The following RIMBP2 variants were observed in gnomAD, a reference collection of about 807,000 sequenced individuals.
RIMBP2 encodes the protein RIMS-binding protein 2.
In RIMBP2, 48 loss-of-function variants were observed where a neutral mutation model predicts 118.6. The ratio of observed to expected loss-of-function variants is 0.40; its 90% CI spans 0.32 to 0.51. RIMBP2 has a LOEUF of 0.51. Ranked by LOEUF, RIMBP2 falls within the 20% of genes least tolerant of loss-of-function variation. The pLI is 0.41. For synonymous variants in RIMBP2, 762 were observed against 742.9 expected (o/e 1.03, Z -0.42); for missense variants, 1,551 against 1,768.3 (o/e 0.88, Z 2.20).
Position 130,622,605 on chromosome 12 carries a change from G to T in RIMBP2, c.-217+5717C>A, listed in dbSNP as rs561836301. ...TGCCTCCCACAGTGCTGGGAATACA[G>T]AAATGAGCCACTGCACCTGGCCTAC... On this transcript the variant is annotated intron_variant, in intron 2 of 22. Coordinates refer to ENST00000690449, the MANE Select transcript of RIMBP2 (RefSeq NM_001393629.1). The surrounding 1 kb of genome is among the most constrained non-coding windows in gnomAD (Gnocchi z 8.5). Among the ~76,000 whole-genome samples the T allele has an allele frequency of 6.0e-4, 92 of 152,224 alleles. No individual in the cohort carries two copies. The highest frequency in any genetic ancestry group is 2.0e-3 in the African/African-American group (84 of 41,532).
intron 2 of RIMBP2, among the ~76,000 whole-genome samples, chr12:130,626,563 C>G (rs1266269843): frequency 6.6e-6 from 1 of 150,558 alleles, no homozygotes; most frequent in East Asian, 2.0e-4. Flanking sequence ...GCCGGCATCA[C>G]CACCATCTTC....
intron 7 of RIMBP2, among the ~76,000 whole-genome samples, chr12:130,454,513 C>CA (rs34257136): frequency 0.09 from 13,632 of 152,244 alleles, 773 homozygotes; most frequent in South Asian, 0.16. Flanking sequence ...AGGGCAATGC[C>CA]AGGGGATATG....
At chr12:130,708,462 A>G (rs1200090797) in intron 1 of RIMBP2, among the ~76,000 whole-genome samples, 2 of 152,130 alleles carry the variant, frequency 1.3e-5, no homozygotes, top group African/African-American at 4.8e-5. Flanking sequence ...CTGAGGCAGG[A>G]GGATCGCTTG....
In RIMBP2 at chr12:130,422,360, T is replaced by C; in HGVS notation, c.3238+93A>G. 1.3e-6 allele frequency: 1 copy of C among 761,270 alleles called. No homozygotes were observed. Among genetic ancestry groups the C allele is most frequent in the East Asian group, 2.6e-5 (1 of 38,158 alleles). 47.2% of individuals were successfully genotyped at this position (761,270 alleles called of 1,614,324 possible). A position where few individuals can be genotyped will look rare whatever the true frequency, so the allele number is the denominator to read the frequency against. ...ACAGTGTTCTTTGCTTAGCGGAAAATGCTACTCCTAAAGTTTTGTTCATGC... is the reference window on the plus strand; with the variant it reads ...ACAGTGTTCTTTGCTTAGCGGAAAACGCTACTCCTAAAGTTTTGTTCATGC... On this transcript the variant is annotated intron_variant, in intron 17 of 22. Transcript: ENST00000690449. This position sits in a 1 kb window ranked among gnomAD's most constrained non-coding sequence, Gnocchi z 5.2.
intron 2 of RIMBP2, among the ~76,000 whole-genome samples, chr12:130,532,848 T>C (rs374767791): frequency 5.5e-5 from 8 of 144,260 alleles, no homozygotes; most frequent in East Asian, 2.1e-4. Context: ...TGCGTGTGTT[T>C]AGCCTCTAGG....
chr12:130,662,110 C>T (rs558802769), intron 1 of RIMBP2, among the ~76,000 whole-genome samples: 227 of 152,200 alleles, frequency 1.5e-3, no homozygotes, highest in Admixed American at 2.7e-3. Context: ...TGAGCACTCC[C>T]TCCCAGGTGC....
intron 3 of RIMBP2, among the ~76,000 whole-genome samples, chr12:130,514,958 G>A (rs2051292052): frequency 6.6e-6 from 1 of 152,006 alleles, no homozygotes; most frequent in Non-Finnish European, 1.5e-5. Flanking sequence ...CTCACTGCAA[G>A]CTCTGCCTCC....
chr12:130,402,536 C>G (rs1219708228), intron 21 of RIMBP2, among the ~76,000 whole-genome samples: 1 of 152,162 alleles, frequency 6.6e-6, no homozygotes, highest in East Asian at 1.9e-4. Flanking sequence ...CATCAAAACC[C>G]TTTACAGAAT....
chr12:130,571,817 C>T (rs936172988), intron 2 of RIMBP2, among the ~76,000 whole-genome samples: 2 of 152,128 alleles, frequency 1.3e-5, no homozygotes, highest in Non-Finnish European at 2.9e-5. Context: ...CCCCTTCACT[C>T]ACTCTGCTGC....
Position 130,424,975 on chromosome 12 carries a change from G to T in RIMBP2, c.2413-117C>A. ...ATTAGTCCTGGAGGCACCGAGGGGG[G>T]GGAAGCATGCGTCTACTCAGGCCGG... On this transcript the variant is annotated intron_variant, in intron 15 of 22. Coordinates refer to ENST00000690449, the MANE Select transcript of RIMBP2 (RefSeq NM_001393629.1). The surrounding 1 kb of genome is among the most constrained non-coding windows in gnomAD (Gnocchi z 9.8). The T allele has an allele frequency of 1.9e-6, 1 of 528,380 alleles. No individual in the cohort carries two copies. Among genetic ancestry groups the T allele is most frequent in the Non-Finnish European group, 2.9e-6 (1 of 345,860 alleles). 32.7% of individuals were successfully genotyped at this position (528,380 alleles called of 1,614,324 possible).
chr12:130,423,517 T>C (rs1024462778), intron 16 of RIMBP2, among the ~76,000 whole-genome samples: 3 of 152,060 alleles, frequency 2.0e-5, no homozygotes, highest in African/African-American at 7.2e-5. Flanking sequence ...AAGCCTTCAA[T>C]GAATCCCTAT....
intron 2 of RIMBP2, among the ~76,000 whole-genome samples, chr12:130,558,918 T>C (rs1044226337): frequency 2.6e-5 from 4 of 152,192 alleles, no homozygotes; most frequent in African/African-American, 9.7e-5. Context: ...AAATTGAAAT[T>C]GTCAAGTAGG....
chr12:130,509,109 C>T (rs1484088209), intron 3 of RIMBP2, among the ~76,000 whole-genome samples: 1 of 152,214 alleles, frequency 6.6e-6, no homozygotes, highest in Admixed American at 6.5e-5. Flanking sequence ...AGAAAGGCTG[C>T]TGGCGAGCCT....
In RIMBP2 at chr12:130,451,269, T is replaced by C. The variant is rs1426880026; in HGVS notation, c.430A>G (p.Arg144Gly). The change falls in exon 8 of 23, where the codon AGG becomes GGG. Residue 144 changes from arginine (R) to glycine (G), a missense_variant. Coordinates refer to ENST00000690449, the MANE Select transcript of RIMBP2 (RefSeq NM_001393629.1). ...YIRPLPQPGDRPEPLSAKPTF... is the reference protein window; with the variant it reads ...YIRPLPQPGDGPEPLSAKPTF... ...GGCTTGGCGGACAGAGGCTCCGGCC[T>C]GTCACCAGGCTGCGGAAGGGGCCGG... is the stretch of plus-strand genomic sequence containing the variant. 1 of 1,614,204 alleles carries C rather than the reference T, an allele frequency of 6.2e-7. No individual in the cohort carries two copies. Among genetic ancestry groups the C allele is most frequent in the Admixed American group, 1.7e-5 (1 of 60,026 alleles).
intron 1 of RIMBP2, among the ~76,000 whole-genome samples, chr12:130,713,243 AAGGAAGG>A (rs1566477224): frequency 6.7e-6 from 1 of 150,040 alleles, no homozygotes. Context: ...GGAAGGAAGG[AAGGAAGG>A]AAGGAAGGAA....
chr12:130,516,265 C>T (rs1458960658), intron 3 of RIMBP2, among the ~76,000 whole-genome samples: 1 of 152,200 alleles, frequency 6.6e-6, no homozygotes, highest in Non-Finnish European at 1.5e-5. Context: ...ATCACTAGAG[C>T]TCAGTTATTC....
At chr12:130,534,096 G>A (rs1412605963) in intron 2 of RIMBP2, among the ~76,000 whole-genome samples, 1 of 150,812 alleles carries the variant, frequency 6.6e-6, no homozygotes, top group Non-Finnish European at 1.5e-5. Flanking sequence ...AACACAGAAG[G>A]CAGAGGTTGC....
At chr12:130,583,807 T>C (rs1240680767) in intron 2 of RIMBP2, among the ~76,000 whole-genome samples, 2 of 76,960 alleles carry the variant, frequency 2.6e-5, no homozygotes, top group African/African-American at 4.8e-5. Flanking sequence ...ACCACCGCCA[T>C]CACCTCATCA....
At chr12:130,656,094 G>A (rs903488975) in intron 1 of RIMBP2, among the ~76,000 whole-genome samples, 8 of 152,354 alleles carry the variant, frequency 5.3e-5, no homozygotes, top group Admixed American at 5.2e-4. Context: ...GAAGGGACAT[G>A]GCCAGCTGCT....
Sources: gnomAD v4.1 joint callset for allele counts (sites outside exome capture counted in the v4.1 genomes callset) on GRCh38, gnomAD v4.1.1 for gene constraint, Gnocchi (gnomAD v3.1) non-coding constraint, MANE v1.5 for transcripts, NCBI Gene and HGNC (gene_info 2026-07-23, HGNC 2026-07-21) for gene names.